Variants in COL27A1 observed in about 807,000 individuals in gnomAD.
COL27A1 encodes collagen alpha-1(XXVII) chain.
In COL27A1, 106 loss-of-function variants were observed where a neutral mutation model predicts 251.3. The ratio of observed to expected loss-of-function variants is 0.42; its 90% confidence interval spans 0.36 to 0.50. The LOEUF (loss-of-function observed/expected upper bound fraction) is 0.50. COL27A1 is among the 20% of genes least tolerant of loss of function. The pLI is 0.00. For missense variants in COL27A1, 2,325 were observed against 2,522.8 expected (o/e 0.92, Z 1.68); for synonymous variants, 1,000 against 986.3 (o/e 1.01, Z -0.26).
At chr9:114,301,032 C>G in intron 51 of COL27A1, 40 bp from the exon 52 acceptor site, 1 of 1,564,034 alleles carries the variant, frequency 6.4e-7, no homozygotes, top group African/African-American at 1.4e-5. Flanking sequence ...GTTCCCCAGG[C>G]CCTGGAACAA....
At chr9:114,261,091 G>A (rs1173308749) in intron 28 of COL27A1, among the ~76,000 whole-genome samples, 2 of 152,298 alleles carry the variant, frequency 1.3e-5, no homozygotes, top group African/African-American at 4.8e-5. Flanking sequence ...GCTGGCTGTG[G>A]GGACTCAGTC....
intron 25 of COL27A1, 126 bp downstream of exon 25, chr9:114,250,794 A>G: frequency 1.3e-6 from 1 of 778,802 alleles, no homozygotes; most frequent in Non-Finnish European, 2.2e-6. Context: ...CTGACCTGGC[A>G]TTCTGAGTCT....
chr9:114,292,317 A>G, intron 49 of COL27A1, 107 bp downstream of exon 49: 2 of 903,322 alleles, frequency 2.2e-6, no homozygotes, highest in Non-Finnish European at 3.4e-6. Flanking sequence ...ACACAAACAC[A>G]CTGACCCAGA....
intron 60 of COL27A1, among the ~76,000 whole-genome samples, chr9:114,309,998 G>A (rs1424923878): frequency 6.6e-6 from 1 of 152,190 alleles, no homozygotes; most frequent in African/African-American, 2.4e-5. Flanking sequence ...AATTGGTAGA[G>A]GCTTTCTGGA....
chr9:114,291,671 T>A (rs1236702486), intron 48 of COL27A1, among the ~76,000 whole-genome samples: 1 of 151,936 alleles, frequency 6.6e-6, no homozygotes, highest in Admixed American at 6.5e-5. Flanking sequence ...ATCGCTTGAA[T>A]TGGGGAGGCA....
chr9:114,187,630 CAT>C, intron 5 of COL27A1, among the ~76,000 whole-genome samples: 1 of 152,372 alleles, frequency 6.6e-6, no homozygotes, highest in African/African-American at 2.4e-5. Flanking sequence ...GTGTGTGTCA[CAT>C]ATGTGAGTGT....
chr9:114,276,419 A>G (rs1000928988), intron 37 of COL27A1, among the ~76,000 whole-genome samples: 4 of 152,250 alleles, frequency 2.6e-5, no homozygotes, highest in Non-Finnish European at 5.9e-5. Context: ...CAGCCTGGCC[A>G]ACATGGTGAA....
intron 50 of COL27A1, 81 bp downstream of exon 50, chr9:114,300,204 T>C (rs1395639491): frequency 5.7e-6 from 8 of 1,409,058 alleles, no homozygotes; most frequent in Non-Finnish European, 7.0e-6. Flanking sequence ...CAACAAATAT[T>C]TATGGAGCAC....
intron 2 of COL27A1, among the ~76,000 whole-genome samples, chr9:114,163,865 G>A (rs933177822): frequency 2.7e-5 from 4 of 148,604 alleles, no homozygotes; most frequent in African/African-American, 4.9e-5. Flanking sequence ...GGCGGGGGGC[G>A]GGGGGAGAGG....
At chr9:114,184,734 T>C (rs972756959) in intron 5 of COL27A1, among the ~76,000 whole-genome samples, 1 of 152,136 alleles carries the variant, frequency 6.6e-6, no homozygotes, top group Non-Finnish European at 1.5e-5. Flanking sequence ...TGGGTGGAGA[T>C]ACCGTACCCA....
intron 14 of COL27A1, among the ~76,000 whole-genome samples, chr9:114,229,842 C>T (rs1831807137): frequency 6.6e-6 from 1 of 152,136 alleles, no homozygotes; most frequent in Non-Finnish European, 1.5e-5. Context: ...CACTCTGTAC[C>T]AGGGTTCCTG....
At chr9:114,231,198 C>A in intron 15 of COL27A1, 66 bp downstream of exon 15, 1 of 1,461,762 alleles carries the variant, frequency 6.8e-7, no homozygotes, top group Non-Finnish European at 9.6e-7. Context: ...CCATTTCAGC[C>A]CAGAAGGAAG....
In COL27A1 at chr9:114,219,824, C is replaced by T; in HGVS notation, c.2401C>T (p.Pro801Ser). The change falls in exon 13 of 61, where the codon CCT becomes TCT. Residue 801 changes from proline to serine, a missense_variant. Around this residue, in one of 4 missense-constraint regions of COL27A1, gnomAD observed 1,183 missense variants for 1,144.1 expected, o/e 1.03. Transcript: ENST00000356083. ...FPGVFGERGP[P>S]GLDGNPGELG... is the part of the protein sequence containing the mutation. ...TGGAGTCTTTGGGGAAAGAGGCCCT[C>T]CTGGACTGGATGGAAATCCTGTGAG... 1 of 1,611,418 alleles carries T rather than the reference C, an allele frequency of 6.2e-7. No homozygotes were observed. Among genetic ancestry groups the T allele is most frequent in the Non-Finnish European group, 8.5e-7 (1 of 1,177,654 alleles).
chr9:114,199,983 C>T (rs1015778880), intron 7 of COL27A1, among the ~76,000 whole-genome samples: 7 of 152,176 alleles, frequency 4.6e-5, no homozygotes, highest in African/African-American at 1.7e-4. Context: ...TGACATCCCC[C>T]CAGCTCCCTC....
chr9:114,216,388 A>T (rs1347329671), intron 12 of COL27A1, among the ~76,000 whole-genome samples: 1 of 152,218 alleles, frequency 6.6e-6, no homozygotes, highest in African/African-American at 2.4e-5. Context: ...GTCGCCTTAC[A>T]CATGCAGGCA....
At chr9:114,165,209 C>G (rs1009947054) in intron 2 of COL27A1, among the ~76,000 whole-genome samples, 3 of 152,182 alleles carry the variant, frequency 2.0e-5, no homozygotes. Context: ...CCTTCTGACT[C>G]CAGAGTCTGC....
Position 114,178,341 on chromosome 9 carries a change from T to C in COL27A1, c.1959T>C (p.Pro653=). The change falls in exon 4 of 61, where the codon CCT becomes CCC. Residue 653 remains proline (P), a synonymous_variant. Transcript: ENST00000356083. ...GLPGIPGARG[P]RGPPGPYGNP... ...CTGGAATCCCTGGTGCACGTGGGCC[T>C]CGGGTGAGTTATCTCACACTGTCCT... 1.2e-6 allele frequency: 2 copies of C among 1,613,964 alleles called. No individual in the cohort carries two copies. The highest frequency in any genetic ancestry group is 1.7e-6 in the Non-Finnish European group (2 of 1,179,898).
intron 5 of COL27A1, among the ~76,000 whole-genome samples, chr9:114,185,900 T>G (rs1276137663): frequency 6.6e-6 from 1 of 152,204 alleles, no homozygotes; most frequent in Non-Finnish European, 1.5e-5. Context: ...ACGATCCCTC[T>G]GCTAGACTCA....
In COL27A1 at chr9:114,267,563, G is replaced by A. The variant is rs193221763; in HGVS notation, c.3501+6G>A. 5 of 1,594,620 alleles carry A rather than the reference G, an allele frequency of 3.1e-6. No individual in the cohort carries two copies. The highest frequency in any genetic ancestry group is 2.3e-5 in the East Asian group (1 of 42,790). ...CTGGGGAAGCCGGGATGAAGGTGAG[G>A]TGGGATGAAAGAAGAGAAAAATGAC... On this transcript the variant is annotated splice_donor_region_variant and intron_variant, in intron 34 of 60. Coordinates refer to ENST00000356083, the MANE Select transcript of COL27A1 (RefSeq NM_032888.4).
Sources: gnomAD v4.1 joint callset for allele counts (sites outside exome capture counted in the v4.1 genomes callset) on GRCh38, gnomAD v4.1.1 for gene constraint, gnomAD v4.1.1 regional missense constraint, MANE v1.5 for transcripts, NCBI Gene and HGNC (gene_info 2026-07-23, HGNC 2026-07-21) for gene names.